DLG2: variants seen among roughly 807,000 people sequenced by gnomAD.
The protein encoded by DLG2 is disks large homolog 2.
In DLG2, 45 loss-of-function variants were observed where a neutral mutation model predicts 132.5. That is an observed-to-expected ratio of 0.34 (90% CI 0.27 to 0.44). The LOEUF is 0.44. Among genes scored for constraint, DLG2 ranks in the 20% least tolerant of loss-of-function variants. The probability of loss-of-function intolerance (pLI) is 1.00; values close to 1 mark genes in which losing one functional copy is unlikely to be tolerated. For missense variants in DLG2, 1,045 were observed against 1,196.9 expected (o/e 0.87, Z 1.87); for synonymous variants, 424 against 419.6 (o/e 1.01, Z -0.13).
At chr11:85,240,573 C>T (rs2075825810) in intron 4 of DLG2, among the ~76,000 whole-genome samples, 1 of 151,590 alleles carries the variant, frequency 6.6e-6, no homozygotes, top group Non-Finnish European at 1.5e-5. Flanking sequence ...AGTCTTTTAT[C>T]CATCTGGAAT....
chr11:84,873,984 C>A (rs554832258), intron 6 of DLG2, among the ~76,000 whole-genome samples: 1 of 152,102 alleles, frequency 6.6e-6, no homozygotes, highest in African/African-American at 2.4e-5. Flanking sequence ...GCATATAAAG[C>A]TCAAAGAAAG....
In DLG2 at chr11:84,923,486, G is replaced by A. The variant is rs1202008127; in HGVS notation, c.357+188175C>T. On this transcript the variant is annotated intron_variant, in intron 6 of 27. Coordinates refer to ENST00000376104, the MANE Select transcript of DLG2 (RefSeq NM_001142699.3). The stretch of plus-strand genomic sequence containing the variant: ...CTCACTCAGGAAGGAGGGGGGGAAA[G>A]GTGAAGAATTGAAATTTAACCAATG... 4 of 1,018,806 alleles carry A rather than the reference G, an allele frequency of 3.9e-6. No homozygotes were observed. In the African/African-American group the frequency reaches 5.2e-5, roughly 13 times the overall value. The allele number at this position is 1,018,806 out of a possible 1,614,324, so 63.1% of individuals were successfully genotyped here.
chr11:83,973,307 A>G (rs959399236), intron 12 of DLG2, among the ~76,000 whole-genome samples: 1 of 152,144 alleles, frequency 6.6e-6, no homozygotes, highest in African/African-American at 2.4e-5. Context: ...AAAGAGGGCT[A>G]TTACACTGAG....
chr11:83,650,160 C>G (rs1397257352), intron 18 of DLG2, among the ~76,000 whole-genome samples: 4 of 152,098 alleles, frequency 2.6e-5, no homozygotes, highest in Non-Finnish European at 4.4e-5. Context: ...ATGATGGCCC[C>G]CAAGTATATC....
chr11:83,896,335 A>G (rs183834580), intron 15 of DLG2, among the ~76,000 whole-genome samples: 13 of 152,338 alleles, frequency 8.5e-5, no homozygotes, highest in Admixed American at 2.0e-4. Context: ...ATGGCAGGAC[A>G]TTATAGGGTT....
intron 3 of DLG2, 76 bp from the exon 4 acceptor site, chr11:85,285,441 T>C: frequency 7.3e-7 from 1 of 1,376,440 alleles, no homozygotes; most frequent in Non-Finnish European, 9.9e-7. Flanking sequence ...TATGTCCATA[T>C]ATAGACATAC....
chr11:84,423,464 A>G (rs1333617134), intron 7 of DLG2, among the ~76,000 whole-genome samples: 4 of 152,158 alleles, frequency 2.6e-5, no homozygotes, highest in African/African-American at 9.6e-5. Context: ...ATCATCTAAG[A>G]TGGACTACTT....
intron 4 of DLG2, among the ~76,000 whole-genome samples, chr11:85,266,345 T>C (rs1565237790): frequency 6.6e-6 from 1 of 152,220 alleles, no homozygotes. Context: ...ATTCCCATAC[T>C]TGTGTGCTTG....
chr11:84,020,884 C>G (rs1406260879), intron 11 of DLG2, among the ~76,000 whole-genome samples: 1 of 152,180 alleles, frequency 6.6e-6, no homozygotes, highest in African/African-American at 2.4e-5. Flanking sequence ...GAGCCAATTA[C>G]TGGGGCAATT....
At chr11:84,186,085 T>A (rs1266362389) in intron 8 of DLG2, among the ~76,000 whole-genome samples, 1 of 152,202 alleles carries the variant, frequency 6.6e-6, no homozygotes, top group Non-Finnish European at 1.5e-5. Context: ...TCTTGCTATT[T>A]CTAAGATTTT....
chr11:85,039,142 C>T (rs2061641339), intron 6 of DLG2, among the ~76,000 whole-genome samples: 1 of 151,784 alleles, frequency 6.6e-6, no homozygotes, highest in Non-Finnish European at 1.5e-5. Flanking sequence ...TTTGGAATTG[C>T]TGCTTTGCCT....
intron 3 of DLG2, among the ~76,000 whole-genome samples, chr11:85,583,130 G>GTGTATATATATA (rs1555190569): frequency 2.1e-3 from 29 of 13,584 alleles, no homozygotes; most frequent in East Asian, 6.1e-3. Context: ...GTGTGTGTGT[G>GTGTATATATATA]TATATATATA....
intron 6 of DLG2, among the ~76,000 whole-genome samples, chr11:85,012,546 GA>G (rs1220864656): frequency 2.0e-5 from 3 of 151,838 alleles, no homozygotes; most frequent in Admixed American, 6.6e-5. Flanking sequence ...AATACAATGT[GA>G]TAGGCATTAT....
At chr11:84,531,930 G>T (rs1461927382) in intron 7 of DLG2, among the ~76,000 whole-genome samples, 1 of 151,984 alleles carries the variant, frequency 6.6e-6, no homozygotes, top group African/African-American at 2.4e-5. Context: ...TATGAGATCT[G>T]AGCTTTAGAA....
intron 4 of DLG2, among the ~76,000 whole-genome samples, chr11:85,223,269 C>A (rs1268275442): frequency 6.6e-6 from 1 of 152,032 alleles, no homozygotes; most frequent in African/African-American, 2.4e-5. Flanking sequence ...ATAGATTGGT[C>A]CTTTCCTAGA....
intron 6 of DLG2, among the ~76,000 whole-genome samples, chr11:84,649,810 TAAGG>T (rs1406297991): frequency 6.6e-6 from 1 of 152,166 alleles, no homozygotes; most frequent in Non-Finnish European, 1.5e-5. Flanking sequence ...ATCCTGGTTC[TAAGG>T]AAGGATTCCA....
intron 6 of DLG2, among the ~76,000 whole-genome samples, chr11:84,862,045 GGGA>G (rs1258445972): frequency 8.6e-6 from 1 of 116,806 alleles, no homozygotes; most frequent in African/African-American, 3.2e-5. Context: ...GTGGGGTGGG[GGGA>G]GGGGGGAGGG....
intron 18 of DLG2, among the ~76,000 whole-genome samples, chr11:83,718,547 A>AAG (rs1287818518): frequency 3.2e-4 from 48 of 151,240 alleles, no homozygotes; most frequent in African/African-American, 9.0e-4. Context: ...AAAAAAAAAA[A>AAG]AAAAGAAAGA....
intron 6 of DLG2, among the ~76,000 whole-genome samples, chr11:85,044,307 G>C (rs935306782): frequency 6.6e-6 from 1 of 151,854 alleles, no homozygotes; most frequent in South Asian, 2.1e-4. Flanking sequence ...TACTATCACT[G>C]CCTAGAGGAT....
Sources: gnomAD v4.1 joint callset for allele counts (sites outside exome capture counted in the v4.1 genomes callset) on GRCh38, gnomAD v4.1.1 for gene constraint, MANE v1.5 for transcripts, NCBI Gene and HGNC (gene_info 2026-07-23, HGNC 2026-07-21) for gene names.